ELOVL7: variants seen among roughly 807,000 people sequenced by gnomAD.
ELOVL7 encodes the protein ELOVL fatty acid elongase 7, also known as very long chain fatty acid elongase 7.
ELOVL7 carries 27 observed loss-of-function variants against 35.7 expected under a neutral mutation model. That is an observed-to-expected ratio of 0.76 (90% CI 0.56 to 1.04). ELOVL7 has a LOEUF of 1.04. Among genes scored for constraint, ELOVL7 ranks in the 50% least tolerant of loss-of-function variants. ELOVL7 has a pLI of 0.00. For missense variants in ELOVL7, 327 were observed against 340.8 expected (o/e 0.96, Z 0.32); for synonymous variants, 113 against 114.6 (o/e 0.99, Z 0.09).
chr5:60,754,837 A>C lies in ELOVL7; in HGVS notation c.637-4T>G, dbSNP rs764873368. 6.2e-7 allele frequency: 1 copy of C among 1,612,400 alleles called. No individual in the cohort carries two copies. The highest frequency in any genetic ancestry group is 8.5e-7 in the Non-Finnish European group (1 of 1,179,240). Reference sequence around the variant, plus strand: ...TGGCGACAATAACAAACTGGACCTAAGAAATGAAAACGTGAAAAAAAATTA... The same window carrying C: ...TGGCGACAATAACAAACTGGACCTACGAAATGAAAACGTGAAAAAAAATTA... On this transcript the variant is annotated splice_polypyrimidine_tract_variant and splice_region_variant and intron_variant, in intron 8 of 8. Transcript: ENST00000508821.
chr5:60,815,574 T>A (rs983089165), intron 1 of ELOVL7, among the ~76,000 whole-genome samples: 8 of 149,972 alleles, frequency 5.3e-5, no homozygotes, highest in Non-Finnish European at 8.9e-5. Flanking sequence ...TAAAATTTAT[T>A]TATTTTTTTT....
chr5:60,808,571 C>T (rs894089725), intron 1 of ELOVL7, among the ~76,000 whole-genome samples: 1 of 152,120 alleles, frequency 6.6e-6, no homozygotes, highest in African/African-American at 2.4e-5. Flanking sequence ...AACACAATTC[C>T]TATTAAAATC....
intron 1 of ELOVL7, among the ~76,000 whole-genome samples, chr5:60,835,731 G>C (rs1746760088): frequency 6.6e-6 from 1 of 151,914 alleles, no homozygotes; most frequent in African/African-American, 2.4e-5. Context: ...GATTTTTTTA[G>C]TTTTCCTGAC....
chr5:60,799,763 T>C (rs1744479795), intron 1 of ELOVL7, among the ~76,000 whole-genome samples: 1 of 151,922 alleles, frequency 6.6e-6, no homozygotes, highest in South Asian at 2.1e-4. Context: ...ATAGACCGGG[T>C]GTGGTGGCTC....
At chr5:60,818,790 G>C (rs561262735) in intron 1 of ELOVL7, among the ~76,000 whole-genome samples, 29 of 150,848 alleles carry the variant, frequency 1.9e-4, no homozygotes, top group South Asian at 4.2e-4. Context: ...GGTGGATCAC[G>C]AGGTCAGGAA....
chr5:60,754,379 G>A lies in ELOVL7; in HGVS notation c.*245C>T. On this transcript the variant is annotated 3_prime_UTR_variant, in exon 9 of 9. Transcript: ENST00000508821. ...GTTTTAAACAAAACCTTTGGATTAG[G>A]TTTAAAAGCAGCTAAAAAAACAAAA... is the stretch of plus-strand genomic sequence containing the variant. The A allele has an allele frequency of 4.2e-6, 2 of 479,050 alleles. No individual in the cohort carries two copies. The highest frequency in any genetic ancestry group is 7.5e-6 in the Non-Finnish European group (2 of 266,402). 29.7% of individuals were successfully genotyped at this position (479,050 alleles called of 1,614,324 possible).
At chr5:60,788,388 A>T (rs1027975348) in intron 2 of ELOVL7, among the ~76,000 whole-genome samples, 2 of 152,212 alleles carry the variant, frequency 1.3e-5, no homozygotes, top group African/African-American at 4.8e-5. Context: ...ACTTAATGCC[A>T]CGGAAATTCA....
intron 3 of ELOVL7, among the ~76,000 whole-genome samples, chr5:60,779,103 G>C (rs979845055): frequency 1.3e-5 from 2 of 152,198 alleles, no homozygotes; most frequent in Non-Finnish European, 2.9e-5. Context: ...CCATGGCCTT[G>C]GGCAGCTCTG....
At chr5:60,793,321 C>T (rs115154759) in intron 2 of ELOVL7, among the ~76,000 whole-genome samples, 2,954 of 151,764 alleles carry the variant, frequency 0.019, 100 homozygotes, top group African/African-American at 0.067. Context: ...TTTTTTTTGC[C>T]CAGACCTGGA....
chr5:60,784,068 C>T (rs1280930757), intron 3 of ELOVL7: 8 of 1,017,258 alleles, frequency 7.9e-6, no homozygotes, highest in Non-Finnish European at 1.2e-5. Context: ...AGGGAGAGAG[C>T]ATAGGGAAAG....
At chr5:60,765,317 T>C (rs1742170077) in intron 6 of ELOVL7, among the ~76,000 whole-genome samples, 1 of 152,202 alleles carries the variant, frequency 6.6e-6, no homozygotes, top group African/African-American at 2.4e-5. Flanking sequence ...GTCATTTAAC[T>C]CCTTGGCTTC....
intron 4 of ELOVL7, among the ~76,000 whole-genome samples, 157 bp from the exon 5 acceptor site, chr5:60,768,060 G>C (rs1230287785): frequency 1.3e-5 from 2 of 152,138 alleles, no homozygotes; most frequent in Admixed American, 1.3e-4. Context: ...GAACATGCTT[G>C]ATATCAAAGC....
intron 3 of ELOVL7, among the ~76,000 whole-genome samples, chr5:60,783,515 C>T (rs1046952171): frequency 6.6e-5 from 10 of 152,118 alleles, no homozygotes; most frequent in African/African-American, 2.4e-4. Flanking sequence ...TATCAATGCA[C>T]CTGCTGGGTG....
At chr5:60,755,803 T>C (rs1741507028) in intron 8 of ELOVL7, among the ~76,000 whole-genome samples, 1 of 152,182 alleles carries the variant, frequency 6.6e-6, no homozygotes, top group Non-Finnish European at 1.5e-5. Context: ...TAGGCTAATA[T>C]TCAGATTTTC....
chr5:60,821,719 T>A (rs886529219), intron 1 of ELOVL7, among the ~76,000 whole-genome samples: 2 of 152,262 alleles, frequency 1.3e-5, no homozygotes, highest in Non-Finnish European at 2.9e-5. Flanking sequence ...AATGGTTTCT[T>A]ACTAGATTGG....
chr5:60,797,498 C>T (rs988966820), intron 2 of ELOVL7, among the ~76,000 whole-genome samples: 1 of 152,200 alleles, frequency 6.6e-6, no homozygotes. Flanking sequence ...AGGGCAGAGA[C>T]AAGAGGTGCC....
intron 2 of ELOVL7, among the ~76,000 whole-genome samples, chr5:60,797,983 C>G (rs1030590401): frequency 7.9e-5 from 12 of 152,234 alleles, no homozygotes; most frequent in African/African-American, 2.7e-4. Context: ...TCTCACCTAC[C>G]TGTGACCTGG....
chr5:60,769,568 T>C (rs1282840515), intron 4 of ELOVL7, among the ~76,000 whole-genome samples: 2 of 152,184 alleles, frequency 1.3e-5, no homozygotes, highest in Non-Finnish European at 2.9e-5. Flanking sequence ...TTGGTAGAGG[T>C]GTTTGCTTTG....
chr5:60,793,833 A>C (rs1744085525), intron 2 of ELOVL7, among the ~76,000 whole-genome samples: 1 of 152,224 alleles, frequency 6.6e-6, no homozygotes, highest in African/African-American at 2.4e-5. Context: ...ACACTACCTG[A>C]CTATATTTTT....
Sources: gnomAD v4.1 joint callset for allele counts (sites outside exome capture counted in the v4.1 genomes callset) on GRCh38, gnomAD v4.1.1 for gene constraint, MANE v1.5 for transcripts, NCBI Gene and HGNC (gene_info 2026-07-23, HGNC 2026-07-21) for gene names.